Variants in NCAM1 observed in about 807,000 individuals in gnomAD.
NCAM1 encodes antigen recognized by monoclonal antibody 5.1H11.
In NCAM1, 14 loss-of-function variants were observed where a neutral mutation model predicts 109.8. The ratio of observed to expected loss-of-function variants is 0.13; its 90% CI spans 0.08 to 0.20. The LOEUF is 0.20. Among genes scored for constraint, NCAM1 ranks in the 10% least tolerant of loss-of-function variants. The pLI, the probability that NCAM1 is intolerant of heterozygous loss-of-function variation, is 1.00. For synonymous variants in NCAM1, 418 were observed against 442.9 expected, an observed-to-expected ratio of 0.94 and a Z score of 0.70; for missense variants, 774 against 1,109.9, an observed-to-expected ratio of 0.70 and a Z score of 4.30.
chr11:113,240,735 T>A, intron 14 of NCAM1: 1 of 1,563,248 alleles, frequency 6.4e-7, no homozygotes, highest in Admixed American at 1.7e-5. Context: ...TCATTCAGTA[T>A]CTGTGTGCCT....
intron 14 of NCAM1, chr11:113,246,065 A>G: frequency 1.0e-5 from 5 of 480,704 alleles, no homozygotes; most frequent in South Asian, 7.6e-5. Flanking sequence ...GCTAATGCTT[A>G]TTGGTGTTGT....
intron 1 of NCAM1, among the ~76,000 whole-genome samples, chr11:113,114,555 T>C (rs1940602227): frequency 1.3e-5 from 2 of 152,242 alleles, no homozygotes; most frequent in Non-Finnish European, 2.9e-5. Flanking sequence ...TCTTTTTTGC[T>C]GTGCTTGGGG....
intron 17 of NCAM1, chr11:113,269,730 A>G: frequency 4.7e-6 from 1 of 211,618 alleles, no homozygotes; most frequent in Non-Finnish European, 9.6e-6. Flanking sequence ...AGAAAGCCCC[A>G]GGAACCCTCC....
intron 7 of NCAM1, 87 bp downstream of exon 7, chr11:113,208,089 G>C: frequency 1.0e-5 from 15 of 1,429,896 alleles, no homozygotes; most frequent in Non-Finnish European, 1.4e-5. Context: ...CCTGGCCACT[G>C]TCCCTCAGAA....
chr11:112,982,806 C>T (rs1353803966), intron 1 of NCAM1, among the ~76,000 whole-genome samples: 1 of 151,806 alleles, frequency 6.6e-6, no homozygotes, highest in Non-Finnish European at 1.5e-5. Context: ...AATAGTTTGG[C>T]TTGGGAAAGG....
chr11:113,114,206 A>T (rs1376015092), intron 1 of NCAM1, among the ~76,000 whole-genome samples: 1 of 152,234 alleles, frequency 6.6e-6, no homozygotes, highest in African/African-American at 2.4e-5. Flanking sequence ...GCCAGGCCCC[A>T]AACAACCCAT....
intron 1 of NCAM1, among the ~76,000 whole-genome samples, chr11:112,984,816 T>C (rs1951252299): frequency 6.6e-6 from 1 of 152,024 alleles, no homozygotes; most frequent in Non-Finnish European, 1.5e-5. Flanking sequence ...TTCTGATATA[T>C]GGTTTACAGA....
chr11:112,982,830 A>G (rs1031906548), intron 1 of NCAM1, among the ~76,000 whole-genome samples: 3 of 151,884 alleles, frequency 2.0e-5, no homozygotes, highest in Non-Finnish European at 2.9e-5. Context: ...CCCTGAGATT[A>G]AAGTGGACTG....
intron 1 of NCAM1, among the ~76,000 whole-genome samples, chr11:113,095,839 C>A (rs957658900): frequency 1.3e-5 from 2 of 152,144 alleles, no homozygotes; most frequent in African/African-American, 2.4e-5. Context: ...GACTGTGTGA[C>A]CTTGAGCAAA....
chr11:113,058,309 A>T (rs968015239), intron 1 of NCAM1, among the ~76,000 whole-genome samples: 1 of 152,046 alleles, frequency 6.6e-6, no homozygotes, highest in African/African-American at 2.4e-5. Flanking sequence ...AAAAGAAAAG[A>T]CATGGATGTG....
chr11:113,159,836 C>A (rs767514954), intron 1 of NCAM1, among the ~76,000 whole-genome samples: 2 of 148,402 alleles, frequency 1.3e-5, no homozygotes, highest in Admixed American at 6.7e-5. Context: ...AGGTATATCT[C>A]CTAATGCTAT....
intron 1 of NCAM1, among the ~76,000 whole-genome samples, chr11:113,138,109 C>T (rs1298573906): frequency 6.6e-6 from 1 of 152,140 alleles, no homozygotes; most frequent in Non-Finnish European, 1.5e-5. Flanking sequence ...CAGAGAAAGC[C>T]ACTGTTGTTA....
At chr11:113,090,171 AT>A (rs1939276260) in intron 1 of NCAM1, among the ~76,000 whole-genome samples, 1 of 152,230 alleles carries the variant, frequency 6.6e-6, no homozygotes, top group Admixed American at 6.5e-5. Context: ...CCTAATTAGT[AT>A]TACATTGTGC....
chr11:113,038,700 A>G (rs576203262), intron 1 of NCAM1, among the ~76,000 whole-genome samples: 1 of 152,324 alleles, frequency 6.6e-6, no homozygotes, highest in Admixed American at 6.5e-5. Flanking sequence ...TCTCCAAAAG[A>G]ACTCTAGGAT....
intron 1 of NCAM1, among the ~76,000 whole-genome samples, chr11:113,166,874 AC>A (rs1440296801): frequency 1.3e-5 from 2 of 152,198 alleles, no homozygotes; most frequent in Non-Finnish European, 2.9e-5. Flanking sequence ...CATTTTAAGC[AC>A]TTTTTAGTAA....
intron 14 of NCAM1, chr11:113,242,869 C>T: frequency 6.2e-7 from 1 of 1,613,910 alleles, no homozygotes; most frequent in South Asian, 1.1e-5. Context: ...CTGAGTTGCT[C>T]TCGGCCAGAC....
At chr11:113,254,337 T>C (rs1262665170) in intron 15 of NCAM1, among the ~76,000 whole-genome samples, 1 of 152,208 alleles carries the variant, frequency 6.6e-6, no homozygotes, top group Non-Finnish European at 1.5e-5. Context: ...AGAAAACAAA[T>C]AATAAGCACA....
At position 113,255,909 on chromosome 11, in the gene NCAM1, A is replaced by T; in HGVS notation, c.1861A>T (p.Met621Leu). Residue 621 changes from methionine to leucine, a missense_variant, in exon 16 of 20, where the codon ATG becomes TTG. Transcript: ENST00000316851. Reference sequence around the variant, plus strand: ...CAGTGCACCTAAGCTCGAAGGGCAGATGGGAGAGGATGGAAACTCTATTAA... The same window carrying T: ...CAGTGCACCTAAGCTCGAAGGGCAGTTGGGAGAGGATGGAAACTCTATTAA... Reference protein sequence around the residue: ...EPSAPKLEGQMGEDGNSIKVN... With the variant: ...EPSAPKLEGQLGEDGNSIKVN... 1 of 1,612,148 alleles carries T rather than the reference A, an allele frequency of 6.2e-7. No individual in the cohort carries two copies. Among genetic ancestry groups the T allele is most frequent in the Non-Finnish European group, 8.5e-7 (1 of 1,179,332 alleles).
chr11:113,002,025 T>C (rs1419518842), intron 1 of NCAM1, among the ~76,000 whole-genome samples: 4 of 152,194 alleles, frequency 2.6e-5, no homozygotes, highest in Admixed American at 1.3e-4. Context: ...TTCTAACTGT[T>C]CTAACAAAAG....
Sources: allele counts gnomAD v4.1 joint callset (sites outside exome capture counted in the v4.1 genomes callset), GRCh38; gene constraint gnomAD v4.1.1; transcripts MANE v1.5; gene names NCBI Gene and HGNC (gene_info 2026-07-23, HGNC 2026-07-21).